The following RSRC1 variants were observed in gnomAD, a reference collection of about 807,000 sequenced individuals.
RSRC1 encodes the protein serine/Arginine-related protein 53.
Under a neutral mutation model 49.1 loss-of-function variants are expected in RSRC1, and 39 were observed. The ratio of observed to expected loss-of-function variants is 0.79; its 90% CI spans 0.61 to 1.04. The LOEUF (loss-of-function observed/expected upper bound fraction) is 1.04, where lower values mean the gene tolerates loss of function less well. Among genes scored for constraint, RSRC1 ranks in the 50% least tolerant of loss-of-function variants. RSRC1 has a pLI of 0.00. For missense variants in RSRC1, 388 were observed against 402.4 expected, an observed-to-expected ratio of 0.96 and a Z score of 0.31; for synonymous variants, 143 against 130.8, an observed-to-expected ratio of 1.09 and a Z score of -0.63.
intron 1 of RSRC1, among the ~76,000 whole-genome samples, chr3:158,116,685 G>C (rs927627023): frequency 4.6e-5 from 7 of 151,950 alleles, no homozygotes; most frequent in African/African-American, 1.7e-4. Context: ...CAATGAAAAA[G>C]GTAAATAATG....
chr3:158,182,385 A>G (rs1719671940), intron 3 of RSRC1, among the ~76,000 whole-genome samples: 1 of 152,162 alleles, frequency 6.6e-6, no homozygotes, highest in African/African-American at 2.4e-5. Flanking sequence ...TGATAGAGAA[A>G]CTCCCTAATT....
intron 6 of RSRC1, among the ~76,000 whole-genome samples, chr3:158,421,832 A>G (rs1372897305): frequency 6.6e-6 from 1 of 151,858 alleles, no homozygotes; most frequent in Non-Finnish European, 1.5e-5. Context: ...TAAACAACAA[A>G]TGGCAGAGTT....
intron 3 of RSRC1, chr3:158,132,322 A>C (rs1716087360): frequency 6.4e-6 from 1 of 155,876 alleles, no homozygotes; most frequent in Non-Finnish European, 1.4e-5. Context: ...ACATACTAGA[A>C]CATACTTGTG....
intron 7 of RSRC1, among the ~76,000 whole-genome samples, chr3:158,520,263 T>G (rs761568121): frequency 1.3e-5 from 2 of 152,176 alleles, no homozygotes; most frequent in Non-Finnish European, 2.9e-5. Context: ...CAGGTTTTCT[T>G]AAAGCTTACA....
intron 4 of RSRC1, among the ~76,000 whole-genome samples, chr3:158,258,208 CTTTTTTTTTTTTTTT>C (rs71144451): frequency 4.6e-5 from 3 of 65,766 alleles, no homozygotes; most frequent in African/African-American, 5.8e-5. Flanking sequence ...TCCTTTTAAC[CTTTTTTTTTTTTTTT>C]TTTTTTTTTT....
intron 1 of RSRC1, among the ~76,000 whole-genome samples, chr3:158,115,989 T>C (rs1016734422): frequency 6.6e-6 from 1 of 152,222 alleles, no homozygotes; most frequent in Non-Finnish European, 1.5e-5. Flanking sequence ...TACCCACGCA[T>C]GGTTTTGTGA....
At chr3:158,438,258 G>A (rs1736159882) in intron 6 of RSRC1, among the ~76,000 whole-genome samples, 1 of 152,126 alleles carries the variant, frequency 6.6e-6, no homozygotes, top group Admixed American at 6.6e-5. Context: ...GTAATTTATA[G>A]ATACAATGCC....
chr3:158,267,132 A>G (rs563730262), intron 4 of RSRC1, among the ~76,000 whole-genome samples: 26 of 151,996 alleles, frequency 1.7e-4, no homozygotes, highest in Admixed American at 7.2e-4. Context: ...TTGATTGACA[A>G]TTTTTTTCTT....
At chr3:158,356,863 AT>A (rs1731191357) in intron 6 of RSRC1, among the ~76,000 whole-genome samples, 1 of 152,084 alleles carries the variant, frequency 6.6e-6, no homozygotes, top group South Asian at 2.1e-4. Context: ...ATTTAGTATG[AT>A]TTTGAAGCAC....
At chr3:158,146,561 G>A (rs546315018) in intron 3 of RSRC1, among the ~76,000 whole-genome samples, 13 of 152,320 alleles carry the variant, frequency 8.5e-5, no homozygotes, top group African/African-American at 1.9e-4. Context: ...TTGTGTCAAT[G>A]TACATCAGGG....
intron 6 of RSRC1, among the ~76,000 whole-genome samples, chr3:158,390,732 A>G (rs184253457): frequency 2.0e-5 from 3 of 152,292 alleles, no homozygotes; most frequent in Admixed American, 6.5e-5. Flanking sequence ...TTCATCAAAG[A>G]AAATGGTTAT....
At chr3:158,285,705 G>T (rs933021067) in intron 4 of RSRC1, among the ~76,000 whole-genome samples, 2 of 152,168 alleles carry the variant, frequency 1.3e-5, no homozygotes, top group South Asian at 4.2e-4. Context: ...TCTGTTATTG[G>T]TGTATAAGAA....
intron 3 of RSRC1, among the ~76,000 whole-genome samples, chr3:158,194,488 A>G (rs116026636): frequency 0.087 from 11,020 of 126,366 alleles, 499 homozygotes; most frequent in South Asian, 0.15. Flanking sequence ...GCACTTTGAG[A>G]TTCTTTTTTT....
chr3:158,223,550 C>T (rs936455165), intron 4 of RSRC1, among the ~76,000 whole-genome samples: 5 of 150,652 alleles, frequency 3.3e-5, no homozygotes, highest in African/African-American at 9.7e-5. Context: ...AGACCAAGCC[C>T]GTCATCATTT....
chr3:158,394,360 A>G (rs1005395002), intron 6 of RSRC1, among the ~76,000 whole-genome samples: 5 of 152,142 alleles, frequency 3.3e-5, no homozygotes, highest in African/African-American at 4.8e-5. Context: ...GAGGAAGTCA[A>G]ACTATCTGTT....
chr3:158,404,597 A>G (rs1040159167), intron 6 of RSRC1, among the ~76,000 whole-genome samples: 9 of 151,898 alleles, frequency 5.9e-5, no homozygotes, highest in African/African-American at 2.2e-4. Flanking sequence ...TAGTAAATTT[A>G]CTGTAATTAG....
intron 7 of RSRC1, among the ~76,000 whole-genome samples, chr3:158,507,646 A>G (rs912511589): frequency 2.6e-5 from 4 of 152,206 alleles, no homozygotes; most frequent in Non-Finnish European, 5.9e-5. Flanking sequence ...TATGAAATAA[A>G]ATGTGACAAT....
chr3:158,154,244 T>C (rs2108215734), intron 3 of RSRC1, among the ~76,000 whole-genome samples: 1 of 152,298 alleles, frequency 6.6e-6, no homozygotes, highest in South Asian at 2.1e-4. Flanking sequence ...ATGCTAATGA[T>C]CATTTGAGCC....
intron 7 of RSRC1, among the ~76,000 whole-genome samples, chr3:158,461,997 GAA>G (rs3086337): frequency 0.015 from 1,799 of 119,140 alleles, 24 homozygotes; most frequent in African/African-American, 0.043. Flanking sequence ...AAAACCAAGC[GAA>G]AAAAAAAAAA....
Sources: allele counts gnomAD v4.1 joint callset (sites outside exome capture counted in the v4.1 genomes callset), GRCh38; gene constraint gnomAD v4.1.1; transcripts MANE v1.5; gene names NCBI Gene and HGNC (gene_info 2026-07-23, HGNC 2026-07-21).